MME: variants seen among roughly 807,000 people sequenced by gnomAD.
The protein encoded by MME is neprilysin.
In MME, 98 loss-of-function variants were observed where a neutral mutation model predicts 113.2. The ratio of observed to expected loss-of-function variants is 0.87; its 90% confidence interval spans 0.74 to 1.02. The LOEUF (loss-of-function observed/expected upper bound fraction) is 1.02, where lower values mean the gene tolerates loss of function less well. MME is among the 50% of genes least tolerant of loss of function. MME has a pLI of 0.00. For missense variants in MME, 836 were observed against 896.0 expected (o/e 0.93, Z 0.86); for synonymous variants, 292 against 300.6 (o/e 0.97, Z 0.30).
intron 17 of MME, among the ~76,000 whole-genome samples, chr3:155,163,985 C>T (rs1039063114): frequency 1.7e-4 from 26 of 151,534 alleles, no homozygotes; most frequent in Non-Finnish European, 3.2e-4. Flanking sequence ...CTACCAAAAA[C>T]TACAAAAAAT....
intron 3 of MME, among the ~76,000 whole-genome samples, chr3:155,104,579 T>C (rs1157446224): frequency 2.0e-5 from 3 of 152,206 alleles, no homozygotes; most frequent in African/African-American, 7.2e-5. Context: ...CTCTCAGTAA[T>C]CACATATTAT....
upstream of MME, among the ~76,000 whole-genome samples, chr3:155,078,201 C>T (rs550585683): frequency 2.6e-4 from 40 of 151,982 alleles, no homozygotes; most frequent in African/African-American, 9.7e-4. Context: ...CCAGCCTGGG[C>T]GACAGCACGA....
chr3:155,039,937 A>AT (rs201714878), intron 1 of MME, among the ~76,000 whole-genome samples: 6,611 of 152,172 alleles, frequency 0.043, 159 homozygotes, highest in African/African-American at 0.052. Context: ...TAAAGATAAA[A>AT]TTTTTTTAAC....
At position 155,148,499 on chromosome 3, in the gene MME, T is replaced by G. The variant is rs768839834; in HGVS notation, c.1498-51T>G. On this transcript the variant is annotated intron_variant, in intron 15 of 22. Transcript: ENST00000360490. ...AAATCCCTATGTTTTTAGCAAAAAT[T>G]TAGAAGATACCGGTTTTAATATTTC... 5 of 1,268,292 alleles carry G rather than the reference T, an allele frequency of 3.9e-6. No individual in the cohort carries two copies. The African/African-American group carries it at 7.4e-5, about 19-fold the overall frequency. 78.6% of individuals were successfully genotyped at this position (1,268,292 alleles called of 1,614,324 possible). A position where few individuals can be genotyped will look rare whatever the true frequency, so the allele number is the denominator to read the frequency against.
Position 155,116,746 on chromosome 3 carries a change from G to A in MME, c.522G>A (p.Trp174Ter), listed in dbSNP as rs1007880483. The A allele has an allele frequency of 6.2e-7, 1 of 1,613,212 alleles. No homozygotes were observed. The highest frequency in any genetic ancestry group is 8.5e-7 in the Non-Finnish European group (1 of 1,179,636). ...GGTGGCCAGTAGCAACAGAAAACTG[G>A]GAGCAAAAATATGGTAAGGCAATTT... The part of the protein sequence containing the change: ...IYGWPVATEN[W>*]EQKYGASWTA... The change falls in exon 6 of 23, where the codon TGG becomes TGA. Residue 174 changes from tryptophan to a stop codon, truncating the protein, a stop_gained. Coordinates refer to ENST00000360490, the MANE Select transcript of MME (RefSeq NM_007289.4). LOFTEE classifies it high-confidence loss of function.
At chr3:155,045,079 C>A (rs988968648) in intron 1 of MME, among the ~76,000 whole-genome samples, 2 of 151,794 alleles carry the variant, frequency 1.3e-5, no homozygotes, top group Non-Finnish European at 2.9e-5. Flanking sequence ...CCATGAAACC[C>A]TTTAAACTGA....
upstream of MME, among the ~76,000 whole-genome samples, chr3:155,076,890 A>G (rs747802526): frequency 1.1e-4 from 17 of 152,312 alleles, no homozygotes; most frequent in Non-Finnish European, 1.9e-4. Context: ...ATTAAAATTT[A>G]CATATAATGA....
chr3:155,177,453 A>G (rs1388020215), intron 22 of MME, among the ~76,000 whole-genome samples: 1 of 152,220 alleles, frequency 6.6e-6, no homozygotes, highest in Non-Finnish European at 1.5e-5. Context: ...CTAAAGACCA[A>G]TGCAAATTCC....
At position 155,172,145 on chromosome 3, in the gene MME, G is replaced by A. The variant is rs562989515; in HGVS notation, c.2009G>A (p.Gly670Asp). The A allele has an allele frequency of 1.7e-5, 27 of 1,609,654 alleles. No individual in the cohort carries two copies. The South Asian group carries it at 2.7e-4, about 16-fold the overall frequency. ...TATCAGAATTATATTAAAAAGAATGGCGAAGAAAAATTACTTCCTGGACTT... is the reference window on the plus strand; with the variant it reads ...TATCAGAATTATATTAAAAAGAATGACGAAGAAAAATTACTTCCTGGACTT... ...RAYQNYIKKN[G>D]EEKLLPGLDL... is the part of the protein sequence containing the mutation. The change falls in exon 21 of 23, where the codon GGC (glycine) becomes GAC (aspartate). Residue 670 changes from glycine (G) to aspartate (D), a missense_variant. Coordinates refer to ENST00000360490, the MANE Select transcript of MME (RefSeq NM_007289.4).
intron 3 of MME, among the ~76,000 whole-genome samples, chr3:155,099,688 T>A (rs1273845541): frequency 6.6e-6 from 1 of 152,200 alleles, no homozygotes; most frequent in Non-Finnish European, 1.5e-5. Flanking sequence ...CCGAGAATGA[T>A]GGTTTCCAGC....
chr3:155,032,046 T>A (rs1024514284), intron 1 of MME, among the ~76,000 whole-genome samples: 1 of 152,244 alleles, frequency 6.6e-6, no homozygotes, highest in African/African-American at 2.4e-5. Flanking sequence ...GTTTGGGGTC[T>A]TCACAGCTTA....
intron 7 of MME, among the ~76,000 whole-genome samples, chr3:155,117,296 G>A (rs1397997351): frequency 1.3e-5 from 2 of 152,132 alleles, no homozygotes; most frequent in Non-Finnish European, 2.9e-5. Context: ...TCTTTGTATA[G>A]TACTTGAAAG....
chr3:155,135,882 A>G (rs914486132), intron 8 of MME, among the ~76,000 whole-genome samples: 5 of 151,994 alleles, frequency 3.3e-5, no homozygotes, highest in Non-Finnish European at 7.4e-5. Flanking sequence ...ATATTTATGT[A>G]ATGTGTATGT....
rs571257902 is a variant in MME, at chr3:155,125,613, A to G, written c.720+6802A>G. Among the ~76,000 whole-genome samples, 12 of 151,528 alleles carry G rather than the reference A, an allele frequency of 7.9e-5. No individual in the cohort carries two copies. In the East Asian group the frequency reaches 2.2e-3, roughly 27 times the overall value. On this transcript the variant is annotated intron_variant, in intron 8 of 22. Transcript: ENST00000360490. ...GTACCTGGGATTACAGGTGCCCGCCACCGCGCCCAGCTAATTTTTGTATTT... is the reference window on the plus strand; with the variant it reads ...GTACCTGGGATTACAGGTGCCCGCCGCCGCGCCCAGCTAATTTTTGTATTT...
rs1255482334 is a variant in MME at position 155,183,077 on chromosome 3, A to T, written c.*2618A>T. The T allele has an allele frequency of 6.6e-6, 1 of 152,202 alleles. No homozygotes were observed. The highest frequency in any genetic ancestry group is 1.5e-5 in the Non-Finnish European group (1 of 68,044). The allele number at this position is 152,202 out of a possible 1,614,324, so 9.4% of individuals were successfully genotyped here. A position where few individuals can be genotyped will look rare whatever the true frequency, so the allele number is the denominator to read the frequency against. ...TGGGAGCTGATGAAACTCACAAATGATGGTAGGAAGAAGCTCTCGACAATA... is the reference window on the plus strand; with the variant it reads ...TGGGAGCTGATGAAACTCACAAATGTTGGTAGGAAGAAGCTCTCGACAATA... On this transcript the variant is annotated 3_prime_UTR_variant, in exon 23 of 23. Transcript: ENST00000360490.
chr3:155,137,570 G>A (rs1323151524), intron 8 of MME, among the ~76,000 whole-genome samples: 1 of 152,076 alleles, frequency 6.6e-6, no homozygotes, highest in Non-Finnish European at 1.5e-5. Flanking sequence ...GCTGGGTGTG[G>A]TGGTGGGCGC....
At chr3:155,051,206 T>C (rs537891702) in intron 1 of MME, among the ~76,000 whole-genome samples, 14 of 152,290 alleles carry the variant, frequency 9.2e-5, no homozygotes, top group African/African-American at 3.1e-4. Flanking sequence ...CTGAAAAGAT[T>C]ACATGTGTAA....
chr3:155,181,359 A>G lies in MME; in HGVS notation c.*900A>G, dbSNP rs1239463755. On this transcript the variant is annotated 3_prime_UTR_variant, in exon 23 of 23. Coordinates refer to ENST00000360490, the MANE Select transcript of MME (RefSeq NM_007289.4). ...GAGACTATTTAAACTTATAAATCATATTGATGAAAAGATTTAAGCACAAAC... is the reference window on the plus strand; with the variant it reads ...GAGACTATTTAAACTTATAAATCATGTTGATGAAAAGATTTAAGCACAAAC... 6.6e-6 allele frequency: 1 copy of G among 152,118 alleles called. No homozygotes were observed. The highest frequency in any genetic ancestry group is 1.5e-5 in the Non-Finnish European group (1 of 68,018). 9.4% of individuals were successfully genotyped at this position (152,118 alleles called of 1,614,324 possible).
chr3:155,030,278 A>G (rs1712925301), intron 1 of MME, among the ~76,000 whole-genome samples: 1 of 152,194 alleles, frequency 6.6e-6, no homozygotes, highest in Non-Finnish European at 1.5e-5. Flanking sequence ...GCCCTTACAA[A>G]TGGAGATTTT....
Sources: gnomAD v4.1 joint callset for allele counts (sites outside exome capture counted in the v4.1 genomes callset) on GRCh38, gnomAD v4.1.1 for gene constraint, MANE v1.5 for transcripts, NCBI Gene and HGNC (gene_info 2026-07-23, HGNC 2026-07-21) for gene names.